The following CACNA1A variants were observed in gnomAD, a reference collection of about 807,000 sequenced individuals.
The protein encoded by CACNA1A is calcium voltage-gated channel subunit alpha1 A.
A neutral mutation model predicts 262.4 loss-of-function variants in CACNA1A; 57 were observed. That is an observed-to-expected ratio of 0.22 (90% CI 0.18 to 0.27). The LOEUF (loss-of-function observed/expected upper bound fraction) is 0.27. Among genes scored for constraint, CACNA1A ranks in the 10% least tolerant of loss-of-function variants. CACNA1A has a pLI of 1.00. For missense variants in CACNA1A, 2,526 were observed against 3,562.8 expected, an observed-to-expected ratio of 0.71 and a Z score of 7.41; for synonymous variants, 1,431 against 1,419.3, an observed-to-expected ratio of 1.01 and a Z score of -0.18.
intron 21 of CACNA1A, chr19:13,284,593 G>A (rs1177702479): frequency 6.5e-6 from 1 of 153,682 alleles, no homozygotes; most frequent in East Asian, 1.9e-4. Context: ...AAGACAGAAG[G>A]CCATGGAACT....
chr19:13,498,225 T>G (rs1342156948), intron 1 of CACNA1A, among the ~76,000 whole-genome samples: 1 of 152,074 alleles, frequency 6.6e-6, no homozygotes, highest in Non-Finnish European at 1.5e-5. Flanking sequence ...GGGCCAAGTT[T>G]TAAGTCTGCC....
intron 1 of CACNA1A, among the ~76,000 whole-genome samples, chr19:13,465,686 G>A (rs2061221850): frequency 1.3e-5 from 2 of 151,804 alleles, no homozygotes; most frequent in South Asian, 2.1e-4. Flanking sequence ...ATGGAGTTTT[G>A]CTATGTTACC....
intron 1 of CACNA1A, 120 bp downstream of exon 1, chr19:13,505,806 CCCCTGG>C (rs1982965368): frequency 1.1e-6 from 1 of 951,610 alleles, no homozygotes; most frequent in Admixed American, 2.0e-5. Flanking sequence ...CCTCTCCCAG[CCCCTGG>C]AAGACCCCCC....
intron 3 of CACNA1A, among the ~76,000 whole-genome samples, chr19:13,377,374 T>TG (rs1491132165): frequency 8.0e-6 from 1 of 124,550 alleles, no homozygotes; most frequent in Non-Finnish European, 1.6e-5. Flanking sequence ...TAACACAACA[T>TG]TTTTTTTTTT....
chr19:13,277,345 T>C (rs1379631225), intron 22 of CACNA1A: 2 of 478,360 alleles, frequency 4.2e-6, no homozygotes, highest in African/African-American at 2.0e-5. Context: ...GTCCAGCAGA[T>C]GGCAGCAAAT....
Position 13,312,694 on chromosome 19 carries a change from G to C in CACNA1A, c.1643C>G (p.Ser548Cys), listed in dbSNP as rs2058057381. The change falls in exon 12 of 47, where the codon TCT (serine) becomes TGT (cysteine). Residue 548 changes from serine (S) to cysteine (C), a missense_variant. Physicochemically the swap from Ser to Cys is moderately radical, Grantham distance 112. Coordinates refer to ENST00000360228, the MANE Select transcript of CACNA1A (RefSeq NM_001127222.2). ...CCCACAGTCAAAGCAGTTGAAGGAAGAGTGGAAGTAAGGCCGCGTCCCAAG... is the reference window on the plus strand; with the variant it reads ...CCCACAGTCAAAGCAGTTGAAGGAACAGTGGAAGTAAGGCCGCGTCCCAAG... Reference protein sequence around the residue: ...YGLGTRPYFHSSFNCFDCGVI... With the variant: ...YGLGTRPYFHCSFNCFDCGVI... 6.3e-7 allele frequency: 1 copy of C among 1,592,430 alleles called. No individual in the cohort carries two copies.
chr19:13,488,647 G>T (rs1412482197), intron 1 of CACNA1A, among the ~76,000 whole-genome samples: 1 of 151,818 alleles, frequency 6.6e-6, no homozygotes, highest in South Asian at 2.1e-4. Context: ...TGATCCACCC[G>T]CCTTGGCCTC....
intron 30 of CACNA1A, 109 bp from the exon 31 acceptor site, chr19:13,245,374 C>T (rs550584178): frequency 1.2e-5 from 10 of 816,562 alleles, no homozygotes; most frequent in East Asian, 1.0e-4. Context: ...GCGGAGTGCC[C>T]GGGACAGTTA....
At chr19:13,429,206 ACC>A (rs753530876) in intron 3 of CACNA1A, among the ~76,000 whole-genome samples, 3 of 118,478 alleles carry the variant, frequency 2.5e-5, no homozygotes, top group South Asian at 2.8e-4. Flanking sequence ...ACACACACAC[ACC>A]CCTCTTTCTC....
In CACNA1A at chr19:13,506,345, C is replaced by A. The variant is rs1983044180; in HGVS notation, c.-121G>T. The A allele has an allele frequency of 1.1e-6, 1 of 922,682 alleles. No homozygotes were observed. The highest frequency in any genetic ancestry group is 1.5e-6 in the Non-Finnish European group (1 of 670,070). 57.2% of individuals were successfully genotyped at this position (922,682 alleles called of 1,614,324 possible). On this transcript the variant is annotated 5_prime_UTR_variant, in exon 1 of 47. Transcript: ENST00000360228. The stretch of plus-strand genomic sequence containing the variant: ...GCTGGGAGCGCGGCGGCTGGAGCTA[C>A]GACTGCGGAGACGCTCCACGGCCCA...
intron 1 of CACNA1A, among the ~76,000 whole-genome samples, chr19:13,481,448 G>C (rs1019508721): frequency 2.6e-5 from 4 of 151,360 alleles, no homozygotes; most frequent in African/African-American, 9.7e-5. Context: ...CCATGGAGGG[G>C]AAGAAGGCCG....
rs2055896024 is a variant in CACNA1A at position 13,236,896 on chromosome 19, G to A, written c.4951-1166C>T. The stretch of plus-strand genomic sequence containing the variant: ...CCATTGTGGGGCTTCAAGGGACCTT[G>A]GTGGGGGGGGTGGGACTCTCGAAGT... On this transcript the variant is annotated intron_variant, in intron 31 of 46. Coordinates refer to ENST00000360228, the MANE Select transcript of CACNA1A (RefSeq NM_001127222.2). The surrounding 1 kb of genome is among the most constrained non-coding windows in gnomAD (Gnocchi z 4.6). Among the ~76,000 whole-genome samples, 1 of 152,118 alleles carries A rather than the reference G, an allele frequency of 6.6e-6. No individual in the cohort carries two copies. Among genetic ancestry groups the A allele is most frequent in the Admixed American group, 6.5e-5 (1 of 15,280 alleles).
At position 13,253,089 on chromosome 19, in the gene CACNA1A, A is replaced by G; in HGVS notation, c.4768T>C (p.Ser1590Pro). 1 of 1,611,766 alleles carries G rather than the reference A, an allele frequency of 6.2e-7. No homozygotes were observed. The highest frequency in any genetic ancestry group is 2.2e-5 in the East Asian group (1 of 44,850). The change falls in exon 30 of 47, where the codon TCT (serine) becomes CCT (proline). Residue 1590 changes from serine to proline, a missense_variant. Transcript: ENST00000360228. ...IVLMMKFYGA[S>P]VAYENALRVF... ...CGCAGGGCATTTTCATAAGCAACAG[A>G]AGCCCCATAGAACTAGGGGAAAGAA... is the stretch of plus-strand genomic sequence containing the variant.
intron 3 of CACNA1A, among the ~76,000 whole-genome samples, chr19:13,376,787 TGACA>T (rs1431215222): frequency 0.025 from 2,863 of 115,616 alleles, 121 homozygotes; most frequent in African/African-American, 0.09. Flanking sequence ...ATAATATATG[TGACA>T]TATATACACA....
chr19:13,463,786 C>G (rs1043888482), intron 1 of CACNA1A, among the ~76,000 whole-genome samples: 2 of 152,182 alleles, frequency 1.3e-5, no homozygotes, highest in African/African-American at 4.8e-5. Context: ...AATGAGAAGT[C>G]TACTCAGGGC....
chr19:13,383,203 A>G (rs1296548999), intron 3 of CACNA1A, among the ~76,000 whole-genome samples: 2 of 152,218 alleles, frequency 1.3e-5, no homozygotes, highest in African/African-American at 4.8e-5. Context: ...AATAGTGGGA[A>G]AAGATATAGT....
intron 21 of CACNA1A, 97 bp downstream of exon 21, chr19:13,284,971 T>C: frequency 2.6e-6 from 3 of 1,171,690 alleles, no homozygotes; most frequent in Non-Finnish European, 3.8e-6. Flanking sequence ...GGACTCATGG[T>C]GGTCAACACT....
At chr19:13,286,080 C>T (rs1436632601) in intron 20 of CACNA1A, among the ~76,000 whole-genome samples, 1 of 150,580 alleles carries the variant, frequency 6.6e-6, no homozygotes, top group Non-Finnish European at 1.5e-5. Flanking sequence ...TGAGCCAGTA[C>T]ATCTGGCCCC....
rs1181326281 is a variant in CACNA1A, at chr19:13,307,865, GAC to G, written c.1914-13_1914-12del. On this transcript the variant is annotated splice_polypyrimidine_tract_variant and intron_variant, in intron 14 of 46. Transcript: ENST00000360228. ...TCATCGAAATTAAACCTGCAGGGAG[GAC>G]ACAGACATTTCACGTTGGCCCCACC... 6.2e-7 allele frequency: 1 copy of G among 1,612,712 alleles called. No homozygotes were observed. Among genetic ancestry groups the G allele is most frequent in the East Asian group, 2.2e-5 (1 of 44,870 alleles).
Sources: allele counts gnomAD v4.1 joint callset (sites outside exome capture counted in the v4.1 genomes callset), GRCh38; gene constraint gnomAD v4.1.1; non-coding constraint Gnocchi (gnomAD v3.1); transcripts MANE v1.5; gene names NCBI Gene and HGNC (gene_info 2026-07-23, HGNC 2026-07-21).